Variants in PKP1 observed in about 807,000 individuals in gnomAD.
PKP1 encodes the protein plakophilin-1.
A neutral mutation model predicts 76.4 loss-of-function variants in PKP1; 27 were observed. That is an observed-to-expected ratio of 0.35 (90% CI 0.26 to 0.49). The LOEUF (loss-of-function observed/expected upper bound fraction) is 0.49, where lower values mean the gene tolerates loss of function less well. Ranked by LOEUF, PKP1 falls within the 20% of genes least tolerant of loss-of-function variation. PKP1 has a pLI of 0.99. For synonymous variants in PKP1, 404 were observed against 384.2 expected, an observed-to-expected ratio of 1.05 and a Z score of -0.60; for missense variants, 964 against 955.2, an observed-to-expected ratio of 1.01 and a Z score of -0.12.
rs917297861 is a variant in PKP1, at chr1:201,283,568, G to T, written c.-135G>T. On this transcript the variant is annotated 5_prime_UTR_variant, in exon 1 of 14. Coordinates refer to ENST00000367324, the MANE Select transcript of PKP1 (RefSeq NM_001005337.3). ...GAGCAGCTGCAGGGAGCCCTCACGC[G>T]GACCACGCACTCTATGGCCGTAGGG... The T allele has an allele frequency of 2.4e-5, 19 of 791,050 alleles. No homozygotes were observed. The highest frequency in any genetic ancestry group is 4.4e-5 in the South Asian group (3 of 67,462). The allele number at this position is 791,050 out of a possible 1,614,324, so 49.0% of individuals were successfully genotyped here.
intron 2 of PKP1, among the ~76,000 whole-genome samples, chr1:201,302,855 G>GCCGAA (rs1656275179): frequency 1.3e-5 from 2 of 152,268 alleles, no homozygotes; most frequent in East Asian, 1.9e-4. Flanking sequence ...TGAATCACAG[G>GCCGAA]CTGCCGAACT....
intron 1 of PKP1, among the ~76,000 whole-genome samples, chr1:201,289,804 G>A (rs1655862035): frequency 6.6e-6 from 1 of 152,174 alleles, no homozygotes; most frequent in Admixed American, 6.5e-5. Flanking sequence ...ACATGGTTAT[G>A]CTGGCAAGTT....
At chr1:201,314,106 A>G (rs1383616594) in intron 3 of PKP1, among the ~76,000 whole-genome samples, 1 of 152,230 alleles carries the variant, frequency 6.6e-6, no homozygotes, top group African/African-American at 2.4e-5. Context: ...GTTTCAGGTT[A>G]CGTTATAAGA....
chr1:201,314,279 G>A (rs1656659605), intron 3 of PKP1, among the ~76,000 whole-genome samples: 1 of 152,186 alleles, frequency 6.6e-6, no homozygotes, highest in African/African-American at 2.4e-5. Flanking sequence ...TGAACAACAT[G>A]ATGAAACCTT....
At chr1:201,318,462 T>A (rs1656835080) in intron 5 of PKP1, among the ~76,000 whole-genome samples, 156 bp from the exon 6 acceptor site, 1 of 152,182 alleles carries the variant, frequency 6.6e-6, no homozygotes, top group Admixed American at 6.5e-5. Context: ...AATAGCCTCA[T>A]GACACAGACA....
intron 2 of PKP1, among the ~76,000 whole-genome samples, chr1:201,303,075 G>A (rs1295012710): frequency 2.0e-5 from 3 of 152,212 alleles, no homozygotes; most frequent in African/African-American, 4.8e-5. Context: ...ATGTTTCCCA[G>A]ACATTCGTCA....
chr1:201,301,553 T>C (rs1196393037), intron 2 of PKP1, among the ~76,000 whole-genome samples: 2 of 152,168 alleles, frequency 1.3e-5, no homozygotes, highest in African/African-American at 4.8e-5. Flanking sequence ...GACAATTCCC[T>C]GGCCACAGAG....
intron 2 of PKP1, among the ~76,000 whole-genome samples, chr1:201,305,891 G>A (rs776972285): frequency 1.3e-5 from 2 of 152,308 alleles, no homozygotes; most frequent in East Asian, 3.9e-4. Flanking sequence ...AATTGAACCA[G>A]CCTCTGGGTT....
chr1:201,318,774 T>A lies in PKP1; in HGVS notation c.1211T>A (p.Phe404Tyr). 1 of 1,607,648 alleles carries A rather than the reference T, an allele frequency of 6.2e-7. No homozygotes were observed. Among genetic ancestry groups the A allele is most frequent in the South Asian group, 1.1e-5 (1 of 89,922 alleles). The stretch of plus-strand genomic sequence containing the variant: ...GAAGTGGTGGACCCTGAGGTCTTCT[T>A]CAATGCCACAGGCTGCTTGAGGTGA... ...SREVVDPEVFFNATGCLRNLS... is the reference protein window; with the variant it reads ...SREVVDPEVFYNATGCLRNLS... Residue 404 changes from phenylalanine to tyrosine, a missense_variant, in exon 6 of 14, where the codon TTC becomes TAC. Phe to Tyr is a conservative substitution (Grantham distance 22). Transcript: ENST00000367324.
chr1:201,295,775 G>A (rs779787732), intron 2 of PKP1, among the ~76,000 whole-genome samples: 17 of 152,052 alleles, frequency 1.1e-4, no homozygotes, highest in Non-Finnish European at 2.5e-4. Flanking sequence ...CTTCACTCAC[G>A]GGTTGATATC....
chr1:201,300,449 G>T (rs1325914856), intron 2 of PKP1, among the ~76,000 whole-genome samples: 1 of 152,188 alleles, frequency 6.6e-6, no homozygotes, highest in Non-Finnish European at 1.5e-5. Flanking sequence ...TTCCTTTCTG[G>T]GCTTGCTCTC....
chr1:201,309,570 G>A (rs1656472640), intron 2 of PKP1, among the ~76,000 whole-genome samples: 1 of 152,318 alleles, frequency 6.6e-6, no homozygotes, highest in East Asian at 1.9e-4. Flanking sequence ...GGTTGTGTGT[G>A]TGTCACTGTC....
chr1:201,310,234 G>A lies in PKP1; in HGVS notation c.307-2932G>A, dbSNP rs1377105420. ...TCCCTACCGAGCAAACACTCATATCGTGGACTGTCCTGAGTGCTTTACTAA... is the reference window on the plus strand; with the variant it reads ...TCCCTACCGAGCAAACACTCATATCATGGACTGTCCTGAGTGCTTTACTAA... On this transcript the variant is annotated intron_variant, in intron 2 of 13. Transcript: ENST00000367324. 3.9e-5 allele frequency among the ~76,000 whole-genome samples: 6 copies of A among 152,306 alleles called. No individual in the cohort carries two copies. The East Asian group carries it at 5.8e-4, about 15-fold the overall frequency.
Position 201,322,072 on chromosome 1 carries a change from G to T in PKP1, c.1442G>T (p.Arg481Leu), listed in dbSNP as rs188436125. ...TACCGCCAGCTGGAGTATAACGCCC[G>T]CAACGCCTACACCGAGAAGTCCTCC... ...TRYRQLEYNA[R>L]NAYTEKSSTG... The change falls in exon 8 of 14, where the codon CGC becomes CTC. Residue 481 changes from arginine to leucine, a missense_variant. Physicochemically the swap from Arg to Leu is moderately radical, Grantham distance 102. Coordinates refer to ENST00000367324, the MANE Select transcript of PKP1 (RefSeq NM_001005337.3). The T allele has an allele frequency of 5.0e-6, 8 of 1,613,298 alleles. No homozygotes were observed. The highest frequency in any genetic ancestry group is 6.8e-6 in the Non-Finnish European group (8 of 1,179,956).
At chr1:201,305,988 G>C (rs1261649528) in intron 2 of PKP1, among the ~76,000 whole-genome samples, 1 of 152,194 alleles carries the variant, frequency 6.6e-6, no homozygotes, top group Non-Finnish European at 1.5e-5. Flanking sequence ...CCATGGAAGG[G>C]AGATGGCTGA....
Position 201,289,803 on chromosome 1 carries a change from T to C in PKP1, c.203-4139T>C, listed in dbSNP as rs142542581. ...GCTGGATTGAGTGCTGACATGGTTA[T>C]GCTGGCAAGTTTGGAGTGCTCAGAG... On this transcript the variant is annotated intron_variant, in intron 1 of 13. Transcript: ENST00000367324. 3.4e-4 allele frequency among the ~76,000 whole-genome samples: 52 copies of C among 152,284 alleles called. No individual in the cohort carries two copies. The East Asian group carries it at 9.3e-3, about 27-fold the overall frequency.
At chr1:201,329,642 G>A (rs2102190723) in intron 13 of PKP1, among the ~76,000 whole-genome samples, 1 of 152,272 alleles carries the variant, frequency 6.6e-6, no homozygotes, top group East Asian at 1.9e-4. Context: ...CTGAGCTAAG[G>A]GGGACCTCTT....
At chr1:201,305,444 G>T (rs965441140) in intron 2 of PKP1, among the ~76,000 whole-genome samples, 2 of 152,204 alleles carry the variant, frequency 1.3e-5, no homozygotes, top group African/African-American at 4.8e-5. Context: ...TTCAGCCCAG[G>T]AGGTCAAGGC....
chr1:201,329,805 C>T (rs938318016), intron 13 of PKP1, among the ~76,000 whole-genome samples: 1 of 152,214 alleles, frequency 6.6e-6, no homozygotes, highest in Non-Finnish European at 1.5e-5. Context: ...GAAAGAGATT[C>T]GGTTTGGCAA....
Sources: allele counts gnomAD v4.1 joint callset (sites outside exome capture counted in the v4.1 genomes callset), GRCh38; gene constraint gnomAD v4.1.1; transcripts MANE v1.5; gene names NCBI Gene and HGNC (gene_info 2026-07-23, HGNC 2026-07-21).